PDE4D: variants seen among roughly 807,000 people sequenced by gnomAD.
PDE4D encodes 3',5'-cyclic-AMP phosphodiesterase 4D.
Under a neutral mutation model 87.4 loss-of-function variants are expected in PDE4D, and 24 were observed. That is an observed-to-expected ratio of 0.27 (90% confidence interval 0.20 to 0.39). PDE4D has a LOEUF of 0.39. Ranked by LOEUF, PDE4D falls within the 10% of genes least tolerant of loss-of-function variation. The pLI is 1.00. For missense variants in PDE4D, 714 were observed against 1,041.0 expected, an observed-to-expected ratio of 0.69 and a Z score of 4.32; for synonymous variants, 384 against 383.2, an observed-to-expected ratio of 1.00 and a Z score of -0.02.
intron 5 of PDE4D, among the ~76,000 whole-genome samples, chr5:59,171,006 A>C (rs1414062508): frequency 6.7e-6 from 1 of 149,268 alleles, no homozygotes; most frequent in African/African-American, 2.5e-5. Context: ...CTCAGCCTCC[A>C]GAGTAGCTGG....
chr5:59,688,579 G>C (rs1456338160), intron 1 of PDE4D, among the ~76,000 whole-genome samples: 4 of 152,108 alleles, frequency 2.6e-5, no homozygotes, highest in Admixed American at 2.0e-4. Flanking sequence ...AGTGTGTAGA[G>C]GGAAATTTAT....
chr5:59,586,594 A>G, intron 1 of PDE4D: 1 of 1,355,426 alleles, frequency 7.4e-7, no homozygotes, highest in Non-Finnish European at 9.5e-7. Context: ...AACATCACAG[A>G]GCACTGCAGG....
intron 2 of PDE4D, among the ~76,000 whole-genome samples, chr5:59,998,283 G>T (rs1027857453): frequency 6.6e-6 from 1 of 152,154 alleles, no homozygotes; most frequent in African/African-American, 2.4e-5. Context: ...TATAAGAAAA[G>T]TGAAGGCAAC....
chr5:59,123,033 T>C (rs1245855937), intron 5 of PDE4D, among the ~76,000 whole-genome samples: 1 of 151,030 alleles, frequency 6.6e-6, no homozygotes, highest in African/African-American at 2.4e-5. Context: ...TTTTTTTTGT[T>C]TTTTTTTTTC....
rs1392025979 is a variant in PDE4D at position 59,676,513 on chromosome 5, C to T, written c.455+216655G>A. Among the ~76,000 whole-genome samples, 3 of 152,068 alleles carry T rather than the reference C, an allele frequency of 2.0e-5. No individual in the cohort carries two copies. In the East Asian group the frequency reaches 5.8e-4, roughly 29 times the overall value. ...TATTAATTTGTGATCAACTAATAAA[C>T]CAACAGAGAGCTTCTAAAAGCTGAA... On this transcript the variant is annotated intron_variant, in intron 1 of 14. Transcript: ENST00000340635.
At chr5:60,327,247 AAG>A (rs970626493) in intron 1 of PDE4D, among the ~76,000 whole-genome samples, 1 of 152,204 alleles carries the variant, frequency 6.6e-6, no homozygotes, top group Non-Finnish European at 1.5e-5. Context: ...TGGTTGAACA[AAG>A]AGAGGCAATT....
rs1561171479 is a variant in PDE4D, at chr5:60,367,100, T to TTG, written c.-90+120841_-90+120842insCA. Among the ~76,000 whole-genome samples, 155 of 152,136 alleles carry TTG rather than the reference T, an allele frequency of 1.0e-3. 1 individual carries two copies. Among genetic ancestry groups the TTG allele is most frequent in the Middle Eastern group, 3.4e-3 (1 of 294 alleles). ...AGTCTCTTTGGAGAACCAATTTTTT[T>TTG]TTGTTGTTGTTGGGAGATAAAAAGC... is the stretch of plus-strand genomic sequence containing the variant. On this transcript the variant is annotated intron_variant, in intron 1 of 16. Coordinates refer to the PDE4D transcript ENST00000502484.
chr5:59,790,799 T>G (rs752112375), intron 1 of PDE4D, among the ~76,000 whole-genome samples: 2 of 152,240 alleles, frequency 1.3e-5, no homozygotes, highest in Non-Finnish European at 2.9e-5. Flanking sequence ...GACCCTAATA[T>G]GAAAATGTGT....
At chr5:59,811,638 C>T (rs955045875) in intron 1 of PDE4D, among the ~76,000 whole-genome samples, 3 of 152,202 alleles carry the variant, frequency 2.0e-5, no homozygotes, top group African/African-American at 7.2e-5. Context: ...AATGATCCTC[C>T]TCTTGTCTCA....
At chr5:59,933,792 T>TATATATATAAA (rs1561879282) in intron 3 of PDE4D, among the ~76,000 whole-genome samples, 5 of 99,420 alleles carry the variant, frequency 5.0e-5, no homozygotes, top group Admixed American at 1.0e-4. Context: ...ATATATATAT[T>TATATATATAAA]AATAAGCATT....
chr5:59,355,278 T>C (rs958939556), intron 1 of PDE4D, among the ~76,000 whole-genome samples: 1 of 152,244 alleles, frequency 6.6e-6, no homozygotes, highest in Non-Finnish European at 1.5e-5. Context: ...AGGTTTATAA[T>C]ATATTTGCAA....
At chr5:59,254,303 C>A (rs1760541158) in intron 1 of PDE4D, among the ~76,000 whole-genome samples, 1 of 152,098 alleles carries the variant, frequency 6.6e-6, no homozygotes, top group Admixed American at 6.6e-5. Context: ...ACTCAGATGT[C>A]TACCCTAGTT....
intron 2 of PDE4D, among the ~76,000 whole-genome samples, chr5:60,148,148 C>T (rs1781175858): frequency 2.0e-5 from 3 of 152,092 alleles, no homozygotes; most frequent in African/African-American, 4.8e-5. Flanking sequence ...TAGTTTATTA[C>T]CCCCACCAAG....
chr5:59,363,996 C>T (rs962906555), intron 1 of PDE4D, among the ~76,000 whole-genome samples: 1 of 152,222 alleles, frequency 6.6e-6, no homozygotes, highest in South Asian at 2.1e-4. Context: ...AATCACAACA[C>T]TTTTCAGTCC....
At chr5:60,519,161 A>C (rs1396727802) in intron 1 of PDE4D, among the ~76,000 whole-genome samples, 5 of 152,236 alleles carry the variant, frequency 3.3e-5, no homozygotes, top group Admixed American at 6.5e-5. Context: ...TATTTAAAAG[A>C]GAGAGAACAT....
chr5:59,713,563 C>G (rs993955613), intron 1 of PDE4D, among the ~76,000 whole-genome samples: 4 of 152,132 alleles, frequency 2.6e-5, no homozygotes, highest in Non-Finnish European at 5.9e-5. Context: ...CCCCTCAGAC[C>G]TCAGTTAGAA....
intron 5 of PDE4D, among the ~76,000 whole-genome samples, chr5:59,076,362 T>C (rs937936895): frequency 1.3e-5 from 2 of 152,178 alleles, no homozygotes; most frequent in Non-Finnish European, 2.9e-5. Context: ...ATTTGTACTT[T>C]GTATGAACAA....
chr5:59,369,820 A>G (rs1029385188), intron 1 of PDE4D, among the ~76,000 whole-genome samples: 2 of 152,128 alleles, frequency 1.3e-5, no homozygotes, highest in Admixed American at 1.3e-4. Context: ...TAGTGGGTGG[A>G]GGGAAATGGG....
In PDE4D at chr5:58,975,877, CCTTT is replaced by C. The variant is rs748742424; in HGVS notation, c.1831-42_1831-39del. 55 of 1,251,870 alleles carry C rather than the reference CCTTT, an allele frequency of 4.4e-5. No individual in the cohort carries two copies. The African/African-American group carries it at 8.5e-4, about 19-fold the overall frequency. The allele number at this position is 1,251,870 out of a possible 1,614,324, so 77.5% of individuals were successfully genotyped here. A position where few individuals can be genotyped will look rare whatever the true frequency, so the allele number is the denominator to read the frequency against. On this transcript the variant is annotated intron_variant, in intron 13 of 14. Coordinates refer to ENST00000340635, the MANE Select transcript of PDE4D (RefSeq NM_001104631.2). The surrounding 1 kb of genome is among the most constrained non-coding windows in gnomAD (Gnocchi z 4.2). ...GATGCATTCTCTATTCACTCCTGTTCCTTTTTTTTAAAAAAAAAAACAAAAAAAA... is the reference window on the plus strand; with the variant it reads ...GATGCATTCTCTATTCACTCCTGTTCTTTTTAAAAAAAAAAACAAAAAAAA...
Sources: allele counts gnomAD v4.1 joint callset (sites outside exome capture counted in the v4.1 genomes callset), GRCh38; gene constraint gnomAD v4.1.1; non-coding constraint Gnocchi (gnomAD v3.1); transcripts MANE v1.5; gene names NCBI Gene and HGNC (gene_info 2026-07-23, HGNC 2026-07-21).